PTP4A1: variants seen among roughly 807,000 people sequenced by gnomAD.
PTP4A1 encodes protein tyrosine phosphatase 4A1.
PTP4A1 carries 9 observed loss-of-function variants against 20.5 expected under a neutral mutation model. The ratio of observed to expected loss-of-function variants is 0.44; its 90% CI spans 0.26 to 0.77. PTP4A1 has a LOEUF of 0.77. Among genes scored for constraint, PTP4A1 ranks in the 30% least tolerant of loss-of-function variants. The probability of loss-of-function intolerance (pLI) is 0.19; values close to 1 mark genes in which losing one functional copy is unlikely to be tolerated. For missense variants in PTP4A1, 137 were observed against 218.8 expected, an observed-to-expected ratio of 0.63 and a Z score of 2.36; for synonymous variants, 78 against 67.4, an observed-to-expected ratio of 1.16 and a Z score of -0.77.
intron 3 of PTP4A1, among the ~76,000 whole-genome samples, chr6:63,566,555 C>A (rs907035234): frequency 4.6e-5 from 7 of 152,082 alleles, no homozygotes; most frequent in African/African-American, 1.7e-4. Context: ...AAAACGGGTA[C>A]CCTAGAATAC....
At chr6:63,523,001 A>T (rs1235959105) in intron 1 of PTP4A1, among the ~76,000 whole-genome samples, 1 of 151,504 alleles carries the variant, frequency 6.6e-6, no homozygotes, top group African/African-American at 2.4e-5. Context: ...AGTAGCTGGG[A>T]CTACAGGCAT....
Position 63,576,887 on chromosome 6 carries a change from C to T in PTP4A1, c.7C>T (p.Arg3Ter), listed in dbSNP as rs1287161254. 1.2e-6 allele frequency: 2 copies of T among 1,611,758 alleles called. No individual in the cohort carries two copies. The highest frequency in any genetic ancestry group is 1.1e-5 in the South Asian group (1 of 90,608). ...GTTTTTTAACTAAATTAACATGGCT[C>T]GAATGAACCGCCCAGCTCCTGTGGA... MA[R>*]MNRPAPVEVT... The change falls in exon 2 of 6, where the codon CGA (arginine) becomes TGA (stop). Residue 3 changes from arginine to a stop codon, truncating the protein, a stop_gained. Coordinates refer to ENST00000626021, the MANE Select transcript of PTP4A1 (RefSeq NM_003463.5). LOFTEE classifies it high-confidence loss of function.
intron 2 of PTP4A1, among the ~76,000 whole-genome samples, chr6:63,530,748 T>C (rs988614516): frequency 2.0e-5 from 3 of 152,214 alleles, no homozygotes; most frequent in African/African-American, 7.2e-5. Flanking sequence ...GAGGCATACC[T>C]GAATTCATTT....
Position 63,572,580 on chromosome 6 carries a change from C to A in PTP4A1, c.-585C>A, listed in dbSNP as rs1199893531. 8 of 415,450 alleles carry A rather than the reference C, an allele frequency of 1.9e-5. No homozygotes were observed. The highest frequency in any genetic ancestry group is 2.9e-5 in the Non-Finnish European group (7 of 239,888). 25.7% of individuals were successfully genotyped at this position (415,450 alleles called of 1,614,324 possible). A position where few individuals can be genotyped will look rare whatever the true frequency, so the allele number is the denominator to read the frequency against. The stretch of plus-strand genomic sequence containing the variant: ...TGGTAGAGTCTGGTGCCCCCGCCGC[C>A]GCCTGCATCGCCGCCACCGCCGCTC... On this transcript the variant is annotated 5_prime_UTR_variant, in exon 1 of 6. Transcript: ENST00000626021.
rs145434738 is a variant in PTP4A1 at position 63,556,250 on chromosome 6, C to T, written c.-446+5757C>T. ...TCACAGCTCACTGCAGCTCTTCCTC[C>T]GAGGCTCCAGGGTGCCTCCTGCCTC... is the stretch of plus-strand genomic sequence containing the variant. On this transcript the variant is annotated intron_variant, in intron 3 of 3. Coordinates refer to the PTP4A1 transcript ENST00000639568. Among the ~76,000 whole-genome samples, 569 of 152,160 alleles carry T rather than the reference C, an allele frequency of 3.7e-3. 1 individual carries two copies. The highest frequency in any genetic ancestry group is 8.7e-3 in the African/African-American group (362 of 41,494).
At position 63,578,388 on chromosome 6, in the gene PTP4A1, T is replaced by C. The variant is rs192929930; in HGVS notation, c.106-49T>C. 5.6e-4 allele frequency: 878 copies of C among 1,565,316 alleles called. 4 individuals are homozygous for C. In the African/African-American group the frequency reaches 0.011, roughly 20 times the overall value. ...GATCAGAATATAAAATGTTGAGTTA[T>C]AGTGATGTGGTTAAACATTAAGATT... On this transcript the variant is annotated intron_variant, in intron 2 of 5. Coordinates refer to ENST00000626021, the MANE Select transcript of PTP4A1 (RefSeq NM_003463.5).
upstream of PTP4A1, among the ~76,000 whole-genome samples, chr6:63,569,436 T>G (rs1184030801): frequency 1.3e-5 from 2 of 152,154 alleles, no homozygotes; most frequent in African/African-American, 4.8e-5. Flanking sequence ...TTTTGTATTT[T>G]TAGTAGAGAT....
rs1581936963 is a variant in PTP4A1, at chr6:63,560,658, C to A, written c.-446+10165C>A. ...ACCTCAGGTGATCTGCCCACCTCAG[C>A]CTCCCAAAATGCTGGGATTACAGGT... is the stretch of plus-strand genomic sequence containing the variant. On this transcript the variant is annotated intron_variant, in intron 3 of 3. Coordinates refer to the PTP4A1 transcript ENST00000639568. Among the ~76,000 whole-genome samples the A allele has an allele frequency of 2.6e-5, 4 of 152,070 alleles. No individual in the cohort carries two copies. The East Asian group carries it at 7.7e-4, about 29-fold the overall frequency.
At position 63,564,275 on chromosome 6, in the gene PTP4A1, CAA is replaced by C. The variant is rs35998260; in HGVS notation, c.-445-12147_-445-12146del. Among the ~76,000 whole-genome samples, 336 of 95,604 alleles carry C rather than the reference CAA, an allele frequency of 3.5e-3. 1 individual carries two copies. Among genetic ancestry groups the C allele is most frequent in the Non-Finnish European group, 6.0e-3 (262 of 43,504 alleles). 62.7% of individuals were successfully genotyped at this position (95,604 alleles called of 152,430 possible). ...TGGGTGACAGAGCGAGACTCTGTCT[CAA>C]AAAAAAAAAAAAAGAGAGAAATTTC... On this transcript the variant is annotated intron_variant, in intron 3 of 3. Transcript: ENST00000639568.
chr6:63,550,068 T>C (rs1303001751), intron 2 of PTP4A1, among the ~76,000 whole-genome samples: 1 of 152,216 alleles, frequency 6.6e-6, no homozygotes, highest in Non-Finnish European at 1.5e-5. Flanking sequence ...ATGTACTCCA[T>C]AATATGTGCA....
rs1170481935 is a variant in PTP4A1, at chr6:63,576,109, A to G, written c.-445-327A>G. On this transcript the variant is annotated intron_variant, in intron 1 of 5. Coordinates refer to ENST00000626021, the MANE Select transcript of PTP4A1 (RefSeq NM_003463.5). ...ATTATATATTATATATAGATAGTAT[A>G]TATACAGAGAATATAACTAGATAGA... Among the ~76,000 whole-genome samples the G allele has an allele frequency of 2.0e-5, 3 of 149,964 alleles. No individual in the cohort carries two copies. In the Admixed American group the frequency reaches 2.0e-4, roughly 10 times the overall value.
intron 2 of PTP4A1, among the ~76,000 whole-genome samples, chr6:63,536,197 G>A (rs1476920441): frequency 6.6e-6 from 1 of 152,176 alleles, no homozygotes; most frequent in Non-Finnish European, 1.5e-5. Flanking sequence ...TGGGCGTGGT[G>A]GCGGGTGCCT....
In PTP4A1 at chr6:63,576,727, A is replaced by G; in HGVS notation, c.-154A>G. 1 of 641,838 alleles carries G rather than the reference A, an allele frequency of 1.6e-6. No individual in the cohort carries two copies. The highest frequency in any genetic ancestry group is 2.7e-6 in the Non-Finnish European group (1 of 371,714). 39.8% of individuals were successfully genotyped at this position (641,838 alleles called of 1,614,324 possible). Reference sequence around the variant, plus strand: ...ATTGCTGCTTCTTGTTAGGAGGTTCATTTCACTTATCATTACTTACAACTT... The same window carrying G: ...ATTGCTGCTTCTTGTTAGGAGGTTCGTTTCACTTATCATTACTTACAACTT... On this transcript the variant is annotated 5_prime_UTR_variant, in exon 2 of 6. Transcript: ENST00000626021.
rs763266300 is a variant in PTP4A1, at chr6:63,581,644, A to G, written c.*1470A>G. On this transcript the variant is annotated 3_prime_UTR_variant, in exon 6 of 6. Transcript: ENST00000626021. ...AACTTTAATACTAAAAGCACTTTCC[A>G]TTATATACTTTTTAAAGGTCTAGAT... The G allele has an allele frequency of 4.6e-5, 7 of 152,158 alleles. No homozygotes were observed. The highest frequency in any genetic ancestry group is 1.7e-4 in the African/African-American group (7 of 41,454). The allele number at this position is 152,158 out of a possible 1,614,324, so 9.4% of individuals were successfully genotyped here.
At chr6:63,525,524 C>A (rs1775123057) in intron 1 of PTP4A1, among the ~76,000 whole-genome samples, 1 of 152,202 alleles carries the variant, frequency 6.6e-6, no homozygotes, top group African/African-American at 2.4e-5. Flanking sequence ...TCTCCCAGAA[C>A]CTAGTTCATG....
At chr6:63,548,968 A>G (rs1425691097) in intron 2 of PTP4A1, 2 of 754,192 alleles carry the variant, frequency 2.7e-6, no homozygotes, top group Non-Finnish European at 4.8e-6. Context: ...ATAATGCAGT[A>G]AGGGACCCGC....
intron 2 of PTP4A1, among the ~76,000 whole-genome samples, chr6:63,536,402 T>C (rs1775727757): frequency 6.6e-6 from 1 of 152,228 alleles, no homozygotes; most frequent in African/African-American, 2.4e-5. Flanking sequence ...TTTATCCCTC[T>C]GCTTTACTGG....
chr6:63,539,623 A>G (rs1398616491), intron 2 of PTP4A1, among the ~76,000 whole-genome samples: 2 of 152,092 alleles, frequency 1.3e-5, no homozygotes, highest in Non-Finnish European at 2.9e-5. Context: ...TAAAATACAA[A>G]AAATATTAGC....
chr6:63,544,918 G>A (rs887241997), intron 2 of PTP4A1, among the ~76,000 whole-genome samples: 12 of 152,112 alleles, frequency 7.9e-5, no homozygotes, highest in Middle Eastern at 3.4e-3. Context: ...TAATGTCTCC[G>A]AAGAGATACT....
Sources: gnomAD v4.1 joint callset for allele counts (sites outside exome capture counted in the v4.1 genomes callset) on GRCh38, gnomAD v4.1.1 for gene constraint, MANE v1.5 for transcripts, NCBI Gene and HGNC (gene_info 2026-07-23, HGNC 2026-07-21) for gene names.